Variants in TUFT1 observed in about 807,000 individuals in gnomAD.
TUFT1 encodes the protein tuftelin 1, also known as tuftelin.
In TUFT1, 43 loss-of-function variants were observed where a neutral mutation model predicts 57.8. That is an observed-to-expected ratio of 0.74 (90% CI 0.58 to 0.96). The LOEUF (loss-of-function observed/expected upper bound fraction) is 0.96. TUFT1 is among the 40% of genes least tolerant of loss of function. The pLI is 0.00. For missense variants in TUFT1, 459 were observed against 489.0 expected, an observed-to-expected ratio of 0.94 and a Z score of 0.58; for synonymous variants, 166 against 176.7, an observed-to-expected ratio of 0.94 and a Z score of 0.48.
chr1:151,565,589 A>G (rs560438418), intron 5 of TUFT1, among the ~76,000 whole-genome samples: 2 of 152,320 alleles, frequency 1.3e-5, no homozygotes, highest in Admixed American at 1.3e-4. Flanking sequence ...AGAAGAACCT[A>G]ATGTGTGCAG....
chr1:151,579,689 C>T lies in TUFT1; in HGVS notation c.965C>T (p.Thr322Ile). 11 of 1,614,026 alleles carry T rather than the reference C, an allele frequency of 6.8e-6. No homozygotes were observed. Among genetic ancestry groups the T allele is most frequent in the Non-Finnish European group, 9.3e-6 (11 of 1,180,000 alleles). Residue 322 changes from threonine (T) to isoleucine (I), a missense_variant, in exon 11 of 13, where the codon ACC becomes ATC. Transcript: ENST00000368849. ...SKAVIQSKDA[T>I]IQELKEKIAY... ...GCTGTGATCCAGTCAAAGGACGCCA[C>T]CATCCAGGAGCTCAAGGAGAAAATC... is the stretch of plus-strand genomic sequence containing the variant.
At chr1:151,556,793 A>C (rs1665712874) in intron 1 of TUFT1, among the ~76,000 whole-genome samples, 1 of 152,164 alleles carries the variant, frequency 6.6e-6, no homozygotes. Context: ...AACATGGTGA[A>C]GCCCCCTCTA....
At chr1:151,581,170 G>T in intron 12 of TUFT1, 128 bp downstream of exon 12, 1 of 868,368 alleles carries the variant, frequency 1.2e-6, no homozygotes. Flanking sequence ...CCCTCAGTCT[G>T]ACCCACTGTT....
chr1:151,566,324 C>G, intron 6 of TUFT1, 96 bp downstream of exon 6: 1 of 978,582 alleles, frequency 1.0e-6, no homozygotes, highest in African/African-American at 1.6e-5. Flanking sequence ...CTCTCTCTCT[C>G]TCTCATTAAA....
At chr1:151,568,908 G>C (rs572178206) in intron 6 of TUFT1, among the ~76,000 whole-genome samples, 117 of 152,312 alleles carry the variant, frequency 7.7e-4, no homozygotes, top group Non-Finnish European at 1.3e-3. Flanking sequence ...AGGCCCACAG[G>C]ACTTCACTTC....
rs1162798461 is a variant in TUFT1, at chr1:151,582,771, A to C, written c.*1064A>C. On this transcript the variant is annotated 3_prime_UTR_variant, in exon 13 of 13. Coordinates refer to ENST00000368849, the MANE Select transcript of TUFT1 (RefSeq NM_020127.3). ...AAGGAAGGTGAGTCTACTTTCCCTG[A>C]GGCTTTGGGGTCAGAGTATATGTTG... is the stretch of plus-strand genomic sequence containing the variant. The C allele has an allele frequency of 6.5e-6, 1 of 154,078 alleles. No homozygotes were observed. Among genetic ancestry groups the C allele is most frequent in the Non-Finnish European group, 1.4e-5 (1 of 69,496 alleles). 9.5% of individuals were successfully genotyped at this position (154,078 alleles called of 1,614,324 possible).
intron 7 of TUFT1, among the ~76,000 whole-genome samples, chr1:151,570,439 G>A (rs1023119776): frequency 6.6e-6 from 1 of 152,012 alleles, no homozygotes; most frequent in Non-Finnish European, 1.5e-5. Flanking sequence ...GCGCCACCAT[G>A]CCCAACTAAT....
chr1:151,566,016 C>CT (rs1383243191), intron 5 of TUFT1, 147 bp from the exon 6 acceptor site: 1 of 70,858 alleles, frequency 1.4e-5, no homozygotes, highest in South Asian at 4.8e-4. Context: ...CCCTCCCTTT[C>CT]TTTTTCTCTC....
intron 1 of TUFT1, chr1:151,557,880 A>G: frequency 1.4e-6 from 1 of 728,012 alleles, no homozygotes. Flanking sequence ...GGGCTGGGTC[A>G]GCAACCGAAT....
intron 1 of TUFT1, 73 bp from the exon 2 acceptor site, chr1:151,562,018 C>A: frequency 6.6e-7 from 1 of 1,526,518 alleles, no homozygotes. Flanking sequence ...AGAAGCACCC[C>A]TGTACTGGTA....
At chr1:151,557,960 G>T (rs1665766487) in intron 1 of TUFT1, 1 of 583,426 alleles carries the variant, frequency 1.7e-6, no homozygotes, top group Non-Finnish European at 3.2e-6. Context: ...GGATTATTTT[G>T]CATTGAATAA....
Position 151,564,522 on chromosome 1 carries a change from C to A in TUFT1, c.325-3C>A. ...GCTCAAGTTTCTTCCCCTCCCCTCCCAGGCCAGGAACTGCCTACAGAAGCT... is the reference window on the plus strand; with the variant it reads ...GCTCAAGTTTCTTCCCCTCCCCTCCAAGGCCAGGAACTGCCTACAGAAGCT... On this transcript the variant is annotated splice_polypyrimidine_tract_variant and splice_region_variant and intron_variant, in intron 4 of 12. Transcript: ENST00000368849. 6.2e-7 allele frequency: 1 copy of A among 1,613,574 alleles called. No individual in the cohort carries two copies. Among genetic ancestry groups the A allele is most frequent in the Non-Finnish European group, 8.5e-7 (1 of 1,179,598 alleles).
chr1:151,576,253 T>C (rs1321990910), intron 9 of TUFT1, among the ~76,000 whole-genome samples: 1 of 152,132 alleles, frequency 6.6e-6, no homozygotes, highest in Non-Finnish European at 1.5e-5. Context: ...TGATGGATTC[T>C]TCAGGGGCCC....
chr1:151,581,525 A>G, intron 12 of TUFT1, 119 bp from the exon 13 acceptor site: 1 of 933,068 alleles, frequency 1.1e-6, no homozygotes, highest in Admixed American at 2.2e-5. Flanking sequence ...CCAAGTGATC[A>G]GCCAGCACTG....
Position 151,562,544 on chromosome 1 carries a change from A to ATCTCTCTCTCTCTCTCTC in TUFT1, c.136-34_136-17dup, listed in dbSNP as rs34211422. 4 of 1,398,056 alleles carry ATCTCTCTCTCTCTCTCTC rather than the reference A, an allele frequency of 2.9e-6. No individual in the cohort carries two copies. The East Asian group carries it at 7.2e-5, about 25-fold the overall frequency. The allele number at this position is 1,398,056 out of a possible 1,614,324, so 86.6% of individuals were successfully genotyped here. A position where few individuals can be genotyped will look rare whatever the true frequency, so the allele number is the denominator to read the frequency against. ...GGGCTTGCCATGTGGTGTCTGAGCC[A>ATCTCTCTCTCTCTCTCTC]TCTCTCTCTCTCTCTCTCTCTCTCA... On this transcript the variant is annotated intron_variant, in intron 2 of 12. Coordinates refer to ENST00000368849, the MANE Select transcript of TUFT1 (RefSeq NM_020127.3).
intron 7 of TUFT1, among the ~76,000 whole-genome samples, chr1:151,572,339 A>G (rs1034360011): frequency 2.0e-5 from 3 of 152,086 alleles, no homozygotes; most frequent in African/African-American, 7.2e-5. Flanking sequence ...GGCTGGAGCT[A>G]CAGAGTCAAA....
chr1:151,560,457 T>C (rs191437527), intron 1 of TUFT1, among the ~76,000 whole-genome samples: 1 of 152,236 alleles, frequency 6.6e-6, no homozygotes, highest in Admixed American at 6.5e-5. Context: ...AATATACCCC[T>C]TTTACAGATA....
chr1:151,541,874 A>G (rs1426670695), intron 1 of TUFT1, among the ~76,000 whole-genome samples: 3 of 152,132 alleles, frequency 2.0e-5, no homozygotes, highest in Admixed American at 6.5e-5. Context: ...GTGTCTTGCT[A>G]TGTTGCCGGA....
At chr1:151,569,570 A>G in intron 6 of TUFT1, 87 bp from the exon 7 acceptor site, 1 of 1,090,240 alleles carries the variant, frequency 9.2e-7, no homozygotes, top group South Asian at 1.3e-5. Flanking sequence ...AGATGGTCCA[A>G]ACCAGTGTGT....
Sources: gnomAD v4.1 joint callset for allele counts (sites outside exome capture counted in the v4.1 genomes callset) on GRCh38, gnomAD v4.1.1 for gene constraint, MANE v1.5 for transcripts, NCBI Gene and HGNC (gene_info 2026-07-23, HGNC 2026-07-21) for gene names.